The following IGSF11 variants were observed in gnomAD, a reference collection of about 807,000 sequenced individuals.
IGSF11 encodes CXADR like 1.
In IGSF11, 22 loss-of-function variants were observed where a neutral mutation model predicts 41.0. The ratio of observed to expected loss-of-function variants is 0.54; its 90% CI spans 0.38 to 0.77. The LOEUF (loss-of-function observed/expected upper bound fraction) is 0.77, where lower values mean the gene tolerates loss of function less well. Among genes scored for constraint, IGSF11 ranks in the 30% least tolerant of loss-of-function variants. The pLI is 0.00. For missense variants in IGSF11, 444 were observed against 530.8 expected, an observed-to-expected ratio of 0.84 and a Z score of 1.61; for synonymous variants, 219 against 201.3, an observed-to-expected ratio of 1.09 and a Z score of -0.74.
At chr3:118,967,015 A>T (rs1459612542) in intron 1 of IGSF11, among the ~76,000 whole-genome samples, 3 of 152,180 alleles carry the variant, frequency 2.0e-5, no homozygotes, top group South Asian at 4.1e-4. Flanking sequence ...AGAAGAAAGA[A>T]AAAAAGATAC....
intron 1 of IGSF11, among the ~76,000 whole-genome samples, chr3:118,955,253 CAT>C (rs1240230283): frequency 3.4e-4 from 51 of 148,818 alleles, no homozygotes; most frequent in East Asian, 1.4e-3. Context: ...CACACACACA[CAT>C]ACACACACAC....
intron 4 of IGSF11, among the ~76,000 whole-genome samples, chr3:118,920,958 C>T (rs1311699698): frequency 6.6e-6 from 1 of 152,136 alleles, no homozygotes; most frequent in Non-Finnish European, 1.5e-5. Context: ...AGTACATGGG[C>T]ACACGCCTGC....
At chr3:119,112,371 ACT>A (rs1477457567) in intron 1 of IGSF11, among the ~76,000 whole-genome samples, 1 of 151,564 alleles carries the variant, frequency 6.6e-6, no homozygotes. Context: ...AATCAGCGAG[ACT>A]CTGTGGGCGT....
At chr3:119,015,965 T>A (rs1211936496) in intron 1 of IGSF11, among the ~76,000 whole-genome samples, 1 of 152,104 alleles carries the variant, frequency 6.6e-6, no homozygotes, top group Non-Finnish European at 1.5e-5. Context: ...AACCATCTAG[T>A]CTAACCACTG....
At chr3:119,064,666 C>A (rs1224992848) in intron 1 of IGSF11, among the ~76,000 whole-genome samples, 1 of 152,010 alleles carries the variant, frequency 6.6e-6, no homozygotes. Context: ...AATCCAAGAA[C>A]ATGGCATATC....
At chr3:118,944,909 C>A (rs1200720555) in intron 1 of IGSF11, 1 of 152,112 alleles carries the variant, frequency 6.6e-6, no homozygotes, top group Non-Finnish European at 1.5e-5. Flanking sequence ...AAAACAATGT[C>A]TAGTGTGACT....
chr3:119,032,602 C>T (rs1940513862), intron 1 of IGSF11, among the ~76,000 whole-genome samples: 1 of 152,222 alleles, frequency 6.6e-6, no homozygotes, highest in South Asian at 2.1e-4. Context: ...ATACCCCTGC[C>T]TGTTCCACTT....
At chr3:119,079,625 A>T (rs983701266) in intron 1 of IGSF11, among the ~76,000 whole-genome samples, 1 of 152,352 alleles carries the variant, frequency 6.6e-6, no homozygotes, top group South Asian at 2.1e-4. Context: ...AAAGACAGGA[A>T]TCAACCTAGA....
At chr3:118,989,771 C>CA (rs749636391) in intron 1 of IGSF11, among the ~76,000 whole-genome samples, 3 of 152,074 alleles carry the variant, frequency 2.0e-5, no homozygotes, top group Non-Finnish European at 4.4e-5. Flanking sequence ...TTACATTTTA[C>CA]AAAATCATCA....
rs375705511 is a variant in IGSF11, at chr3:118,902,872, T to C, written c.944A>G (p.Asn315Ser). ...GCTCCAGTATCGACTGTTGTAGGCA[T>C]TGGAAGAGGTTAGTGTGTTGTTGTC... ...SSDNNTLTSS[N>S]AYNSRYWSNN... The change falls in exon 7 of 7, where the codon AAT becomes AGT. Residue 315 changes from asparagine (N) to serine (S), a missense_variant. Around this residue, in one of 3 missense-constraint regions of IGSF11, gnomAD observed 223 missense variants for 226.2 expected, o/e 0.99. Transcript: ENST00000393775. The C allele has an allele frequency of 4.8e-5, 77 of 1,614,150 alleles. No homozygotes were observed. In the African/African-American group the frequency reaches 6.4e-4, roughly 13 times the overall value.
intron 1 of IGSF11, among the ~76,000 whole-genome samples, chr3:118,959,640 T>C (rs918526486): frequency 2.0e-5 from 3 of 152,132 alleles, no homozygotes; most frequent in African/African-American, 7.2e-5. Context: ...AAACAGACAA[T>C]AGGTATCCTA....
chr3:119,002,378 T>G (rs1301838729), intron 1 of IGSF11, among the ~76,000 whole-genome samples: 1 of 151,200 alleles, frequency 6.6e-6, no homozygotes, highest in Non-Finnish European at 1.5e-5. Context: ...ATTAGCCCTT[T>G]GTCAGATGAG....
At chr3:119,091,110 G>C (rs774011472) in intron 1 of IGSF11, among the ~76,000 whole-genome samples, 1 of 152,086 alleles carries the variant, frequency 6.6e-6, no homozygotes, top group South Asian at 2.1e-4. Context: ...AAAATGCTCA[G>C]CATCACTAGT....
upstream of IGSF11, among the ~76,000 whole-genome samples, chr3:119,037,613 C>T (rs1188801389): frequency 6.6e-6 from 1 of 152,158 alleles, no homozygotes; most frequent in Non-Finnish European, 1.5e-5. Flanking sequence ...TATATGGCAC[C>T]TTTGACTCAA....
intron 1 of IGSF11, among the ~76,000 whole-genome samples, chr3:119,130,013 T>TA (rs1449653891): frequency 6.6e-6 from 1 of 151,968 alleles, no homozygotes; most frequent in Non-Finnish European, 1.5e-5. Context: ...TTAAAAAAAT[T>TA]AAAGCAAGAA....
At chr3:119,133,697 G>A (rs1436324794) in intron 1 of IGSF11, among the ~76,000 whole-genome samples, 1 of 152,150 alleles carries the variant, frequency 6.6e-6, no homozygotes, top group Non-Finnish European at 1.5e-5. Flanking sequence ...AGAAAAAGAG[G>A]GGATCCTCCC....
intron 1 of IGSF11, among the ~76,000 whole-genome samples, chr3:118,989,710 T>C (rs1935607723): frequency 1.3e-5 from 2 of 152,332 alleles, no homozygotes; most frequent in South Asian, 4.1e-4. Context: ...ATTTTTTAAA[T>C]GAGGCTATCT....
intron 1 of IGSF11, among the ~76,000 whole-genome samples, chr3:119,023,318 T>C (rs931732102): frequency 4.1e-5 from 5 of 120,910 alleles, no homozygotes; most frequent in African/African-American, 6.2e-5. Flanking sequence ...GAAAGGATAG[T>C]AAGAAGATCA....
chr3:119,023,301 GAGGA>G (rs1939493759), intron 1 of IGSF11, among the ~76,000 whole-genome samples: 2 of 142,554 alleles, frequency 1.4e-5, no homozygotes, highest in South Asian at 4.4e-4. Context: ...AAAATGTGGT[GAGGA>G]AAGAAAGGAT....
Sources: gnomAD v4.1 joint callset for allele counts (sites outside exome capture counted in the v4.1 genomes callset) on GRCh38, gnomAD v4.1.1 for gene constraint, gnomAD v4.1.1 regional missense constraint, MANE v1.5 for transcripts, NCBI Gene and HGNC (gene_info 2026-07-23, HGNC 2026-07-21) for gene names.